Variants in DGKH observed in about 807,000 individuals in gnomAD.
DGKH encodes the protein DAG kinase eta.
DGKH carries 90 observed loss-of-function variants against 159.3 expected under a neutral mutation model. The observed-to-expected ratio is 0.57, with a 90% CI of 0.48 to 0.67. The LOEUF is 0.67. DGKH is among the 30% of genes least tolerant of loss of function. The probability of loss-of-function intolerance (pLI) is 0.00; values close to 1 mark genes in which losing one functional copy is unlikely to be tolerated. For missense variants in DGKH, 1,181 were observed against 1,506.1 expected, an observed-to-expected ratio of 0.78 and a Z score of 3.57; for synonymous variants, 536 against 553.8, an observed-to-expected ratio of 0.97 and a Z score of 0.45.
chr13:42,248,936 C>T (rs929268107), intron 29 of DGKH, among the ~76,000 whole-genome samples: 1 of 151,962 alleles, frequency 6.6e-6, no homozygotes, highest in Non-Finnish European at 1.5e-5. Flanking sequence ...AATGTGTCCC[C>T]GTTAGGTGAT....
At chr13:42,219,524 G>A (rs1011853635) in intron 27 of DGKH, among the ~76,000 whole-genome samples, 162 bp from the exon 28 acceptor site, 10 of 152,180 alleles carry the variant, frequency 6.6e-5, no homozygotes, top group Non-Finnish European at 4.4e-5. Context: ...TAGGGGAATT[G>A]GGACATTTTT....
intron 29 of DGKH, among the ~76,000 whole-genome samples, chr13:42,226,115 AC>A (rs1334859275): frequency 2.0e-5 from 3 of 152,020 alleles, no homozygotes; most frequent in Admixed American, 6.5e-5. Context: ...AAAAAAAACA[AC>A]CCCCATTAAA....
At chr13:42,254,734 T>G (rs535948829) in intron 30 of DGKH, among the ~76,000 whole-genome samples, 1 of 152,294 alleles carries the variant, frequency 6.6e-6, no homozygotes. Flanking sequence ...GCAGTATATA[T>G]GCTTTATAAT....
chr13:42,164,227 A>G (rs34986762), intron 7 of DGKH, among the ~76,000 whole-genome samples: 9 of 152,232 alleles, frequency 5.9e-5, no homozygotes, highest in African/African-American at 2.2e-4. Flanking sequence ...ACATAGTTTT[A>G]CCTTTTCTGT....
rs898417518 is a variant in DGKH, at chr13:42,136,712, G to A, written c.384+7080G>A. ...CATTTTCTGGGGGCAGTCTGTAGGT[G>A]TGTGTGAAATTTCATGGGTACGGCA... On this transcript the variant is annotated intron_variant, in intron 3 of 29. Coordinates refer to ENST00000337343, the MANE Select transcript of DGKH (RefSeq NM_178009.5). Among the ~76,000 whole-genome samples the A allele has an allele frequency of 2.0e-5, 3 of 152,138 alleles. No individual in the cohort carries two copies. The South Asian group carries it at 6.2e-4, about 31-fold the overall frequency.
intron 1 of DGKH, among the ~76,000 whole-genome samples, chr13:42,093,244 C>CAAA (rs111570773): frequency 1.1e-5 from 1 of 95,228 alleles, no homozygotes; most frequent in Non-Finnish European, 2.2e-5. Context: ...ACTCTGTCTC[C>CAAA]AAAAAAAAAA....
rs1342666169 is a variant in DGKH, at chr13:42,234,361, C to T, written c.*5173C>T. 2 of 152,160 alleles carry T rather than the reference C, an allele frequency of 1.3e-5. No individual in the cohort carries two copies. The highest frequency in any genetic ancestry group is 2.9e-5 in the Non-Finnish European group (2 of 68,024). 9.4% of individuals were successfully genotyped at this position (152,160 alleles called of 1,614,324 possible). The stretch of plus-strand genomic sequence containing the variant: ...GCTATGACTTAGAAAGTTATAGGGG[C>T]TGCCACTATACAGCACTTCTAAAGT... On this transcript the variant is annotated 3_prime_UTR_variant, in exon 30 of 30. Coordinates refer to ENST00000337343, the MANE Select transcript of DGKH (RefSeq NM_178009.5).
At position 42,189,314 on chromosome 13, in the gene DGKH, A is replaced by G. The variant is rs771161781; in HGVS notation, c.1912+5A>G. ...TCATTGAGGAAGCCGGAAAAGGTACACATTAACAAATTTAGCTTTGGAAGA... is the reference window on the plus strand; with the variant it reads ...TCATTGAGGAAGCCGGAAAAGGTACGCATTAACAAATTTAGCTTTGGAAGA... On this transcript the variant is annotated splice_donor_5th_base_variant and intron_variant, in intron 15 of 29. Transcript: ENST00000337343. The G allele has an allele frequency of 5.6e-6, 9 of 1,612,970 alleles. No homozygotes were observed. The highest frequency in any genetic ancestry group is 4.0e-5 in the African/African-American group (3 of 74,892).
intron 1 of DGKH, among the ~76,000 whole-genome samples, chr13:42,085,836 G>C (rs912265643): frequency 6.6e-6 from 1 of 152,102 alleles, no homozygotes; most frequent in African/African-American, 2.4e-5. Flanking sequence ...ATGAATTTCT[G>C]TAACACTTAA....
chr13:42,194,839 A>G lies in DGKH; in HGVS notation c.2036-46A>G, dbSNP rs548150988. On this transcript the variant is annotated intron_variant, in intron 16 of 29. Coordinates refer to ENST00000337343, the MANE Select transcript of DGKH (RefSeq NM_178009.5). Reference sequence around the variant, plus strand: ...AATTTATAGGAACGTGCTTATTTTTATAGCTTTATCATTATCTCTTTTTAA... The same window carrying G: ...AATTTATAGGAACGTGCTTATTTTTGTAGCTTTATCATTATCTCTTTTTAA... The G allele has an allele frequency of 5.1e-6, 8 of 1,568,848 alleles. No homozygotes were observed. In the East Asian group the frequency reaches 1.4e-4, roughly 27 times the overall value.
chr13:42,209,181 T>C lies in DGKH; in HGVS notation c.2715+109T>C, dbSNP rs1281192595. The C allele has an allele frequency of 3.7e-6, 5 of 1,356,852 alleles. No individual in the cohort carries two copies. In the African/African-American group the frequency reaches 4.4e-5, roughly 12 times the overall value. 84.1% of individuals were successfully genotyped at this position (1,356,852 alleles called of 1,614,324 possible). ...ATATTCATCTATAATATTCTGACTT[T>C]GTTGTCATATCAGTTTTTACCATGT... On this transcript the variant is annotated intron_variant, in intron 22 of 29. Transcript: ENST00000337343.
chr13:42,168,226 A>G (rs1956356962), intron 9 of DGKH, among the ~76,000 whole-genome samples: 1 of 151,948 alleles, frequency 6.6e-6, no homozygotes, highest in Non-Finnish European at 1.5e-5. Flanking sequence ...TCCTAATTTT[A>G]TCTTCATTTC....
intron 30 of DGKH, among the ~76,000 whole-genome samples, chr13:42,254,995 A>G (rs1275086399): frequency 6.6e-6 from 1 of 152,086 alleles, no homozygotes; most frequent in Non-Finnish European, 1.5e-5. Context: ...AAATTTTTAT[A>G]TTGACTAATT....
At chr13:42,051,748 C>T (rs1030056161) in intron 1 of DGKH, among the ~76,000 whole-genome samples, 1 of 145,628 alleles carries the variant, frequency 6.9e-6, no homozygotes, top group African/African-American at 2.5e-5. Context: ...CAGCCTCCAC[C>T]TCCCAGGTTC....
intron 1 of DGKH, among the ~76,000 whole-genome samples, chr13:42,118,580 G>A (rs140422939): frequency 2.6e-5 from 4 of 152,364 alleles, no homozygotes; most frequent in Admixed American, 1.3e-4. Context: ...TTAGAGACCC[G>A]AAGGTGGGAG....
chr13:42,121,704 G>A (rs774159900), intron 1 of DGKH, among the ~76,000 whole-genome samples: 1 of 152,158 alleles, frequency 6.6e-6, no homozygotes, highest in Non-Finnish European at 1.5e-5. Context: ...TAGGCAACTG[G>A]TATCCTTGGG....
chr13:42,245,940 T>G (rs915651473), downstream of DGKH, among the ~76,000 whole-genome samples: 1 of 152,186 alleles, frequency 6.6e-6, no homozygotes, highest in African/African-American at 2.4e-5. Context: ...AAACTACTTT[T>G]ATTTTAAAAT....
intron 1 of DGKH, among the ~76,000 whole-genome samples, chr13:42,112,051 A>C (rs917669883): frequency 6.6e-6 from 1 of 152,238 alleles, no homozygotes; most frequent in Non-Finnish European, 1.5e-5. Context: ...CTGTGGCCAG[A>C]CTACAGCTTT....
intron 13 of DGKH, among the ~76,000 whole-genome samples, chr13:42,182,295 T>C (rs1956786221): frequency 6.6e-6 from 1 of 152,230 alleles, no homozygotes; most frequent in Non-Finnish European, 1.5e-5. Context: ...CATCATTCAG[T>C]TTCAGTATTT....
Sources: allele counts gnomAD v4.1 joint callset (sites outside exome capture counted in the v4.1 genomes callset), GRCh38; gene constraint gnomAD v4.1.1; transcripts MANE v1.5; gene names NCBI Gene and HGNC (gene_info 2026-07-23, HGNC 2026-07-21).